The following KIF26B variants were observed in gnomAD, a reference collection of about 807,000 sequenced individuals.
KIF26B encodes the protein kinesin-like protein KIF26B.
A neutral mutation model predicts 151.2 loss-of-function variants in KIF26B; 63 were observed. That is an observed-to-expected ratio of 0.42 (90% confidence interval 0.34 to 0.51). The LOEUF (loss-of-function observed/expected upper bound fraction) is 0.51. Among genes scored for constraint, KIF26B ranks in the 20% least tolerant of loss-of-function variants. The probability of loss-of-function intolerance (pLI) is 0.07; values close to 1 mark genes in which losing one functional copy is unlikely to be tolerated. For missense variants in KIF26B, 2,813 were observed against 2,913.6 expected (o/e 0.97, Z 0.79); for synonymous variants, 1,357 against 1,262.1 (o/e 1.08, Z -1.59).
intron 2 of KIF26B, among the ~76,000 whole-genome samples, chr1:245,277,534 G>A (rs1483928309): frequency 6.6e-6 from 1 of 152,170 alleles, no homozygotes; most frequent in East Asian, 1.9e-4. Flanking sequence ...GGCTGAGCCT[G>A]TGTGGCTCCA....
chr1:245,191,059 CAAAAAAAAAAAAAA>C (rs55993346), intron 2 of KIF26B, among the ~76,000 whole-genome samples: 1 of 52,054 alleles, frequency 1.9e-5, no homozygotes, highest in Non-Finnish European at 3.1e-5. Context: ...GACTCTGTCT[CAAAAAAAAAAAAAA>C]AAAAAAAAAA....
At chr1:245,350,483 A>G (rs1210832475) in intron 2 of KIF26B, among the ~76,000 whole-genome samples, 1 of 152,108 alleles carries the variant, frequency 6.6e-6, no homozygotes, top group Non-Finnish European at 1.5e-5. Context: ...GTCTCATCCC[A>G]GTGCAAAGTG....
chr1:245,283,742 C>T (rs1412045860), intron 2 of KIF26B, among the ~76,000 whole-genome samples: 18 of 145,826 alleles, frequency 1.2e-4, no homozygotes, highest in African/African-American at 2.3e-4. Context: ...GGCTAGAGTG[C>T]ACTGGCACAA....
intron 4 of KIF26B, among the ~76,000 whole-genome samples, chr1:245,494,952 A>G (rs1321605578): frequency 6.6e-6 from 1 of 152,278 alleles, no homozygotes; most frequent in African/African-American, 2.4e-5. Context: ...AGGTGGGAGG[A>G]TCACCTGAGC....
chr1:245,380,832 G>T (rs1414902135), intron 3 of KIF26B, among the ~76,000 whole-genome samples: 3 of 151,970 alleles, frequency 2.0e-5, no homozygotes, highest in Non-Finnish European at 4.4e-5. Flanking sequence ...TTCCAAGCCA[G>T]GTTTCTCATC....
intron 2 of KIF26B, among the ~76,000 whole-genome samples, chr1:245,350,603 C>T (rs902807495): frequency 6.6e-6 from 1 of 152,126 alleles, no homozygotes; most frequent in Non-Finnish European, 1.5e-5. Context: ...CCATCAAAGC[C>T]CAGGTTAAGC....
At chr1:245,328,061 G>A (rs536090907) in intron 2 of KIF26B, among the ~76,000 whole-genome samples, 1 of 152,196 alleles carries the variant, frequency 6.6e-6, no homozygotes, top group Admixed American at 6.5e-5. Context: ...GTCCTGTCAC[G>A]GCCTGTCAGG....
At chr1:245,677,428 C>A (rs545710825) in intron 10 of KIF26B, among the ~76,000 whole-genome samples, 14 of 152,392 alleles carry the variant, frequency 9.2e-5, no homozygotes, top group African/African-American at 3.4e-4. Flanking sequence ...TTCCCAGCAT[C>A]CTGCAGGACA....
At position 245,698,321 on chromosome 1, in the gene KIF26B, C is replaced by G. The variant is rs2044721549; in HGVS notation, c.6027+13C>G. On this transcript the variant is annotated intron_variant, in intron 13 of 14. Coordinates refer to ENST00000407071, the MANE Select transcript of KIF26B (RefSeq NM_018012.4). This position sits in a 1 kb window ranked among gnomAD's most constrained non-coding sequence, Gnocchi z 4.0. The stretch of plus-strand genomic sequence containing the variant: ...GGGTGCCAGCAAGGTGAGGCAGCCT[C>G]CTTCCCACCCCCTGCCTACGTGGTG... 6.2e-7 allele frequency: 1 copy of G among 1,608,996 alleles called. No individual in the cohort carries two copies. Among genetic ancestry groups the G allele is most frequent in the African/African-American group, 1.3e-5 (1 of 75,008 alleles).
Position 245,686,861 on chromosome 1 carries a change from A to G in KIF26B, c.3878A>G (p.Gln1293Arg), listed in dbSNP as rs746363881. The change falls in exon 12 of 15, where the codon CAG becomes CGG. Residue 1293 changes from glutamine to arginine, a missense_variant. Physicochemically the swap from Gln to Arg is conservative, Grantham distance 43. This residue lies in a region of KIF26B where 2,060 missense variants were observed against 2,088.6 expected (regional missense o/e 0.99). Transcript: ENST00000407071. This position sits in a 1 kb window ranked among gnomAD's most constrained non-coding sequence, Gnocchi z 5.6. ...ATGAGCGCGGGCAGTGAGGGTGAGCAGTCGTGCCACAGTTTCATAGCCCAG... is the reference window on the plus strand; with the variant it reads ...ATGAGCGCGGGCAGTGAGGGTGAGCGGTCGTGCCACAGTTTCATAGCCCAG... The part of the protein sequence containing the change: ...SEMSAGSEGE[Q>R]SCHSFIAQTC... 12 of 1,613,536 alleles carry G rather than the reference A, an allele frequency of 7.4e-6. 1 individual carries two copies. Among genetic ancestry groups the G allele is most frequent in the Non-Finnish European group, 8.5e-7 (1 of 1,179,872 alleles).
chr1:245,608,942 C>T (rs1165562645), intron 7 of KIF26B, among the ~76,000 whole-genome samples: 2 of 152,006 alleles, frequency 1.3e-5, no homozygotes, highest in Non-Finnish European at 2.9e-5. Context: ...TTCATAGAGG[C>T]AGGGTCTCCG....
chr1:245,480,550 C>T (rs190295208), intron 4 of KIF26B, among the ~76,000 whole-genome samples: 8 of 151,632 alleles, frequency 5.3e-5, no homozygotes, highest in South Asian at 4.2e-4. Flanking sequence ...AGCTTGGTAC[C>T]GTATAACCAG....
chr1:245,562,121 G>C (rs1392143457), intron 5 of KIF26B, among the ~76,000 whole-genome samples: 1 of 151,942 alleles, frequency 6.6e-6, no homozygotes, highest in African/African-American at 2.4e-5. Context: ...CCGCGGTGGT[G>C]CTCAGACTTA....
chr1:245,661,680 T>C (rs1314919315), intron 10 of KIF26B, among the ~76,000 whole-genome samples: 1 of 145,106 alleles, frequency 6.9e-6, no homozygotes, highest in East Asian at 2.0e-4. Context: ...TCAATATATA[T>C]ATATACACCC....
chr1:245,384,061 A>G (rs1191376322), intron 3 of KIF26B, among the ~76,000 whole-genome samples: 1 of 152,180 alleles, frequency 6.6e-6, no homozygotes, highest in African/African-American at 2.4e-5. Context: ...CAGGTTTTCT[A>G]CCTGCACAGA....
chr1:245,625,369 A>G (rs1441746251), intron 9 of KIF26B, among the ~76,000 whole-genome samples: 3 of 152,186 alleles, frequency 2.0e-5, no homozygotes, highest in African/African-American at 7.2e-5. Context: ...CAACTTGGAG[A>G]TGATTGACCT....
At chr1:245,179,603 C>T (rs749991515) in intron 2 of KIF26B, among the ~76,000 whole-genome samples, 16 of 151,952 alleles carry the variant, frequency 1.1e-4, no homozygotes, top group Non-Finnish European at 1.6e-4. Flanking sequence ...CCAGCCTGGG[C>T]GACAGAGCGA....
At chr1:245,579,000 CTG>C (rs1190594182) in intron 5 of KIF26B, among the ~76,000 whole-genome samples, 3 of 152,124 alleles carry the variant, frequency 2.0e-5, no homozygotes, top group Non-Finnish European at 2.9e-5. Context: ...CTACTAGAAA[CTG>C]TGGTTTTTAT....
intron 4 of KIF26B, among the ~76,000 whole-genome samples, chr1:245,519,278 G>GCACA (rs1449835710): frequency 1.3e-5 from 2 of 152,130 alleles, no homozygotes; most frequent in Non-Finnish European, 2.9e-5. Flanking sequence ...GTGAGGCCAG[G>GCACA]CACAGTGGCT....
Sources: gnomAD v4.1 joint callset for allele counts (sites outside exome capture counted in the v4.1 genomes callset) on GRCh38, gnomAD v4.1.1 for gene constraint, gnomAD v4.1.1 regional missense constraint, Gnocchi (gnomAD v3.1) non-coding constraint, MANE v1.5 for transcripts, NCBI Gene and HGNC (gene_info 2026-07-23, HGNC 2026-07-21) for gene names.